Variants in SLC16A14 observed in about 807,000 individuals in gnomAD.
The protein encoded by SLC16A14 is monocarboxylate transporter 14.
A neutral mutation model predicts 35.8 loss-of-function variants in SLC16A14; 14 were observed. The observed-to-expected ratio is 0.39, with a 90% CI of 0.26 to 0.61. The LOEUF is 0.61. Among genes scored for constraint, SLC16A14 ranks in the 20% least tolerant of loss-of-function variants. SLC16A14 has a pLI of 0.51. For synonymous variants in SLC16A14, 248 were observed against 258.9 expected (o/e 0.96, Z 0.40); for missense variants, 533 against 655.0 (o/e 0.81, Z 2.03).
intron 1 of SLC16A14, among the ~76,000 whole-genome samples, chr2:230,064,727 T>G (rs538930004): frequency 2.0e-5 from 3 of 152,310 alleles, no homozygotes; most frequent in Admixed American, 6.5e-5. Context: ...TAGAGTTTTT[T>G]AGGCCGGGCG....
intron 4 of SLC16A14, among the ~76,000 whole-genome samples, chr2:230,039,467 G>C (rs878976406): frequency 1.3e-5 from 2 of 152,094 alleles, no homozygotes; most frequent in Admixed American, 6.6e-5. Flanking sequence ...AATTGGAAAG[G>C]CACATTGACA....
intron 4 of SLC16A14, among the ~76,000 whole-genome samples, chr2:230,041,598 G>A (rs1289647156): frequency 6.6e-6 from 1 of 152,040 alleles, no homozygotes; most frequent in Non-Finnish European, 1.5e-5. Flanking sequence ...TCAAAGTGCT[G>A]GGATTACAGG....
chr2:230,067,544 CT>C (rs2077809860), intron 1 of SLC16A14, among the ~76,000 whole-genome samples: 1 of 39,242 alleles, frequency 2.5e-5, no homozygotes, highest in Admixed American at 3.8e-4. Context: ...TTCTCTCTCT[CT>C]CTCTCTCTCT....
chr2:230,052,535 A>G (rs2077669715), intron 2 of SLC16A14, among the ~76,000 whole-genome samples: 1 of 152,152 alleles, frequency 6.6e-6, no homozygotes, highest in Non-Finnish European at 1.5e-5. Context: ...TCAGTAGCAC[A>G]ATCATATTTT....
At chr2:230,055,652 A>G (rs1016468941) in intron 2 of SLC16A14, among the ~76,000 whole-genome samples, 1 of 152,200 alleles carries the variant, frequency 6.6e-6, no homozygotes, top group Non-Finnish European at 1.5e-5. Flanking sequence ...CTTTAAAACC[A>G]TATCCAATAA....
intron 2 of SLC16A14, among the ~76,000 whole-genome samples, chr2:230,052,060 C>A (rs2077664689): frequency 1.3e-5 from 2 of 151,988 alleles, no homozygotes; most frequent in African/African-American, 4.8e-5. Context: ...CCTCAGCCTC[C>A]CGTGTAGCTG....
In SLC16A14 at chr2:230,046,642, C is replaced by T; in HGVS notation, c.484G>A (p.Gly162Ser). The T allele has an allele frequency of 6.2e-7, 1 of 1,610,010 alleles. No individual in the cohort carries two copies. Among genetic ancestry groups the T allele is most frequent in the Non-Finnish European group, 8.5e-7 (1 of 1,180,024 alleles). ...YFQKRRALAQGLSTTGTGFGT... is the reference protein window; with the variant it reads ...YFQKRRALAQSLSTTGTGFGT... ...AATCCGGTCCCCGTGGTGCTGAGGC[C>T]CTGGGCGAGGGCGCGTCTCTTCTGG... is the stretch of plus-strand genomic sequence containing the variant. Residue 162 changes from glycine (G) to serine (S), a missense_variant, in exon 4 of 5, where the codon GGC becomes AGC. Gly to Ser is a moderately conservative substitution (Grantham distance 56). Coordinates refer to ENST00000295190, the MANE Select transcript of SLC16A14 (RefSeq NM_152527.5). The surrounding 1 kb of genome is among the most constrained non-coding windows in gnomAD (Gnocchi z 5.0).
At chr2:230,066,638 AT>A (rs10626276) in intron 1 of SLC16A14, 9,584 of 372,782 alleles carry the variant, frequency 0.026, 7 homozygotes, top group Admixed American at 0.044. Flanking sequence ...CAAGCAAGTC[AT>A]TTTTTTTTTT....
At chr2:230,052,036 G>C (rs908108920) in intron 2 of SLC16A14, among the ~76,000 whole-genome samples, 3 of 150,890 alleles carry the variant, frequency 2.0e-5, no homozygotes, top group African/African-American at 4.9e-5. Context: ...TCCCGGGTTC[G>C]CGCCATTCTC....
intron 2 of SLC16A14, among the ~76,000 whole-genome samples, chr2:230,052,908 TC>T (rs1050289887): frequency 6.7e-6 from 1 of 150,330 alleles, no homozygotes; most frequent in Non-Finnish European, 1.5e-5. Flanking sequence ...TCCTCCCTCC[TC>T]CCCCCCTTCC....
At chr2:230,039,455 T>C (rs2077542729) in intron 4 of SLC16A14, among the ~76,000 whole-genome samples, 1 of 152,112 alleles carries the variant, frequency 6.6e-6, no homozygotes, top group Non-Finnish European at 1.5e-5. Flanking sequence ...GCTTCAGAAT[T>C]GAATTGGAAA....
intron 4 of SLC16A14, among the ~76,000 whole-genome samples, chr2:230,040,205 A>C (rs572150392): frequency 6.8e-6 from 1 of 146,718 alleles, no homozygotes; most frequent in South Asian, 2.2e-4. Flanking sequence ...TACAGTCTTA[A>C]ATTGAATTCA....
At chr2:230,037,663 G>T in intron 4 of SLC16A14, 132 bp from the exon 5 acceptor site, 42 of 693,478 alleles carry the variant, frequency 6.1e-5, no homozygotes, top group South Asian at 2.0e-4. Flanking sequence ...CCAATAAAAT[G>T]TTTCATTTAT....
intron 4 of SLC16A14, 142 bp downstream of exon 4, chr2:230,045,603 T>C (rs1430024609): frequency 2.2e-6 from 2 of 921,948 alleles, no homozygotes; most frequent in East Asian, 2.5e-5. Context: ...CTAAAATGTA[T>C]AAATGAGAAA....
At chr2:230,056,469 T>C (rs1214048932) in intron 2 of SLC16A14, among the ~76,000 whole-genome samples, 1 of 152,108 alleles carries the variant, frequency 6.6e-6, no homozygotes, top group Non-Finnish European at 1.5e-5. Flanking sequence ...TTGGCCAGGC[T>C]GGTCTCAGAT....
chr2:230,040,103 C>T (rs1384584390), intron 4 of SLC16A14, among the ~76,000 whole-genome samples: 1 of 152,152 alleles, frequency 6.6e-6, no homozygotes, highest in East Asian at 1.9e-4. Flanking sequence ...CTGTCACCCT[C>T]AGAGCACCCT....
chr2:230,060,021 T>C (rs1003283967), intron 1 of SLC16A14, among the ~76,000 whole-genome samples: 1 of 152,118 alleles, frequency 6.6e-6, no homozygotes, highest in African/African-American at 2.4e-5. Flanking sequence ...CATACTTTAC[T>C]CCCCTCCACC....
intron 4 of SLC16A14, among the ~76,000 whole-genome samples, chr2:230,040,654 T>A (rs2077554198): frequency 6.6e-6 from 1 of 152,110 alleles, no homozygotes; most frequent in African/African-American, 2.4e-5. Context: ...AAAAAGCACA[T>A]CCAACTTCAC....
chr2:230,038,687 A>G lies in SLC16A14; in HGVS notation c.1382-1156T>C, dbSNP rs2077536610. ...TGGGAGACCAAGGCGGGCAGATCAC[A>G]TGAAGCCAGGAGTTCGAGACCAGCC... On this transcript the variant is annotated intron_variant, in intron 4 of 4. Coordinates refer to ENST00000295190, the MANE Select transcript of SLC16A14 (RefSeq NM_152527.5). The surrounding 1 kb of genome is among the most constrained non-coding windows in gnomAD (Gnocchi z 4.4). Among the ~76,000 whole-genome samples the G allele has an allele frequency of 6.6e-6, 1 of 152,100 alleles. No homozygotes were observed. Among genetic ancestry groups the G allele is most frequent in the Non-Finnish European group, 1.5e-5 (1 of 67,986 alleles).
Sources: allele counts gnomAD v4.1 joint callset (sites outside exome capture counted in the v4.1 genomes callset), GRCh38; gene constraint gnomAD v4.1.1; non-coding constraint Gnocchi (gnomAD v3.1); transcripts MANE v1.5; gene names NCBI Gene and HGNC (gene_info 2026-07-23, HGNC 2026-07-21).